DNAJC27: variants seen among roughly 807,000 people sequenced by gnomAD.
DNAJC27 encodes DnaJ heat shock protein family (Hsp40) member C27.
In DNAJC27, 25 loss-of-function variants were observed where a neutral mutation model predicts 31.4. The ratio of observed to expected loss-of-function variants is 0.80; its 90% CI spans 0.58 to 1.11. The LOEUF is 1.11. DNAJC27 is among the 50% of genes most tolerant of loss of function. DNAJC27 has a pLI of 0.00. For missense variants in DNAJC27, 356 were observed against 347.3 expected, an observed-to-expected ratio of 1.02 and a Z score of -0.20; for synonymous variants, 106 against 112.7, an observed-to-expected ratio of 0.94 and a Z score of 0.37.
At chr2:24,968,664 A>C (rs932085961) in intron 1 of DNAJC27, among the ~76,000 whole-genome samples, 1 of 152,058 alleles carries the variant, frequency 6.6e-6, no homozygotes, top group Non-Finnish European at 1.5e-5. Context: ...TTGAGAAAGG[A>C]ATGTAATAGG....
At chr2:24,968,761 T>C (rs1666251372) in intron 1 of DNAJC27, among the ~76,000 whole-genome samples, 1 of 152,224 alleles carries the variant, frequency 6.6e-6, no homozygotes. Flanking sequence ...ACTACATTTG[T>C]GTAAATTGAA....
chr2:24,957,110 T>A lies in DNAJC27; in HGVS notation c.461A>T (p.Glu154Val). 1.2e-6 allele frequency: 2 copies of A among 1,610,446 alleles called. No individual in the cohort carries two copies. Among genetic ancestry groups the A allele is most frequent in the Non-Finnish European group, 1.7e-6 (2 of 1,178,928 alleles). Residue 154 changes from glutamate (E) to valine (V), a missense_variant, in exon 5 of 7, where the codon GAA (glutamate) becomes GTA (valine). Glu to Val is a moderately radical substitution (Grantham distance 121). Transcript: ENST00000264711. ...TTCAAAGTACAGGAACCCTTTGCTT[T>A]CAGCCCAAAGACGTCCTTCACTTTC... ...VDESEGRLWA[E>V]SKGFLYFETS...
At chr2:24,949,402 C>T (rs1306655186) in intron 6 of DNAJC27, among the ~76,000 whole-genome samples, 1 of 152,234 alleles carries the variant, frequency 6.6e-6, no homozygotes, top group Non-Finnish European at 1.5e-5. Flanking sequence ...ACACCCGGTC[C>T]TCTGCACTAA....
chr2:24,966,522 A>G (rs1030069995), intron 2 of DNAJC27, among the ~76,000 whole-genome samples: 3 of 151,940 alleles, frequency 2.0e-5, no homozygotes, highest in African/African-American at 7.3e-5. Flanking sequence ...GCAATGGCAC[A>G]GTCTCAGCTC....
At chr2:24,959,897 C>T (rs1361762048) in intron 3 of DNAJC27, among the ~76,000 whole-genome samples, 2 of 152,160 alleles carry the variant, frequency 1.3e-5, no homozygotes, top group Non-Finnish European at 2.9e-5. Flanking sequence ...AGCTGTCTTC[C>T]CTCCTACACT....
At chr2:24,957,751 A>T in intron 4 of DNAJC27, 59 bp downstream of exon 4, 1 of 1,470,974 alleles carries the variant, frequency 6.8e-7, no homozygotes, top group African/African-American at 1.4e-5. Flanking sequence ...TTGTTTCCCA[A>T]CACTCAAAGC....
chr2:24,951,322 T>C, intron 6 of DNAJC27, 72 bp downstream of exon 6: 1 of 1,443,268 alleles, frequency 6.9e-7, no homozygotes, highest in Non-Finnish European at 9.4e-7. Context: ...GAAGATATAC[T>C]GCACCTATAA....
At chr2:24,953,062 A>AT (rs933437897) in intron 5 of DNAJC27, among the ~76,000 whole-genome samples, 19 of 150,282 alleles carry the variant, frequency 1.3e-4, no homozygotes, top group East Asian at 5.8e-4. Flanking sequence ...CACTTTTCTG[A>AT]TTTTTTTTTA....
intron 2 of DNAJC27, among the ~76,000 whole-genome samples, chr2:24,964,582 C>G (rs537233190): frequency 6.6e-6 from 1 of 152,292 alleles, no homozygotes; most frequent in African/African-American, 2.4e-5. Context: ...TGAGGCCCAG[C>G]TGCATCCTTG....
chr2:24,959,690 CTCTTTA>C (rs1385217259), intron 3 of DNAJC27, among the ~76,000 whole-genome samples: 3 of 152,200 alleles, frequency 2.0e-5, no homozygotes, highest in South Asian at 2.1e-4. Flanking sequence ...AAACAGATAC[CTCTTTA>C]TCTTTAATTG....
intron 3 of DNAJC27, among the ~76,000 whole-genome samples, chr2:24,961,094 T>C (rs762798268): frequency 1.3e-5 from 2 of 152,232 alleles, no homozygotes; most frequent in Non-Finnish European, 2.9e-5. Context: ...ACTCTCTTGT[T>C]ACGGGCTGAC....
At chr2:24,951,255 G>GAA in intron 6 of DNAJC27, 139 bp downstream of exon 6, 2 of 927,602 alleles carry the variant, frequency 2.2e-6, no homozygotes, top group South Asian at 4.2e-5. Context: ...CTAATTCAGT[G>GAA]AAACTGAGTC....
chr2:24,956,627 T>C (rs1250552417), intron 5 of DNAJC27, among the ~76,000 whole-genome samples: 2 of 152,218 alleles, frequency 1.3e-5, no homozygotes, highest in Admixed American at 1.3e-4. Flanking sequence ...TAGCCAAAGG[T>C]AGCTTTGAAG....
intron 5 of DNAJC27, among the ~76,000 whole-genome samples, chr2:24,952,390 C>A (rs1251087840): frequency 6.6e-6 from 1 of 152,144 alleles, no homozygotes; most frequent in Non-Finnish European, 1.5e-5. Context: ...CATAATGCAT[C>A]CTGGAATCTT....
rs1220030881 is a variant in DNAJC27, at chr2:24,951,422, T to C, written c.661A>G (p.Met221Val). The change falls in exon 6 of 7, where the codon ATG becomes GTG. Residue 221 changes from methionine (M) to valine (V), a missense_variant. Transcript: ENST00000264711. ...RIRNSKDSWD[M>V]LGVKPGASRD... ...GAGGCCCCAGGTTTGACTCCCAGCA[T>C]GTCCCAACTGTCTTTACTATTTCGA... The C allele has an allele frequency of 6.2e-7, 1 of 1,613,296 alleles. No individual in the cohort carries two copies. The highest frequency in any genetic ancestry group is 1.1e-5 in the South Asian group (1 of 90,864).
chr2:24,954,849 T>A (rs1665867514), intron 5 of DNAJC27, among the ~76,000 whole-genome samples: 1 of 152,108 alleles, frequency 6.6e-6, no homozygotes, highest in South Asian at 2.1e-4. Flanking sequence ...GGCAGGAGAA[T>A]GGCATGAACC....
intron 1 of DNAJC27, chr2:24,969,484 A>T (rs575968882): frequency 5.8e-4 from 101 of 172,708 alleles, no homozygotes; most frequent in South Asian, 2.2e-3. Context: ...GTGAAAAAAA[A>T]TTTTTTTTTT....
chr2:24,966,682 C>G (rs1409516094), intron 2 of DNAJC27, among the ~76,000 whole-genome samples: 1 of 152,156 alleles, frequency 6.6e-6, no homozygotes, highest in Non-Finnish European at 1.5e-5. Flanking sequence ...TGGTCTTGAA[C>G]TCCTGACCTC....
intron 5 of DNAJC27, among the ~76,000 whole-genome samples, chr2:24,954,753 C>T (rs916513876): frequency 2.0e-5 from 3 of 152,088 alleles, no homozygotes; most frequent in African/African-American, 4.8e-5. Context: ...CTGGCTAACT[C>T]GGTGAAACCC....
Sources: gnomAD v4.1 joint callset for allele counts (sites outside exome capture counted in the v4.1 genomes callset) on GRCh38, gnomAD v4.1.1 for gene constraint, MANE v1.5 for transcripts, NCBI Gene and HGNC (gene_info 2026-07-23, HGNC 2026-07-21) for gene names.